Variants in DLG2 observed in about 807,000 individuals in gnomAD.
DLG2 encodes the protein discs large MAGUK scaffold protein 2.
A neutral mutation model predicts 132.5 loss-of-function variants in DLG2; 45 were observed. The observed-to-expected ratio is 0.34, with a 90% confidence interval of 0.27 to 0.44. DLG2 has a LOEUF of 0.44. Ranked by LOEUF, DLG2 falls within the 20% of genes least tolerant of loss-of-function variation. The pLI is 1.00. For synonymous variants in DLG2, 424 were observed against 419.6 expected (o/e 1.01, Z -0.13); for missense variants, 1,045 against 1,196.9 (o/e 0.87, Z 1.87).
intron 3 of DLG2, among the ~76,000 whole-genome samples, chr11:85,299,015 G>A (rs900545954): frequency 2.0e-5 from 3 of 152,128 alleles, no homozygotes; most frequent in African/African-American, 7.2e-5. Flanking sequence ...CATAGAAGAT[G>A]TAAATTCTTT....
intron 21 of DLG2, among the ~76,000 whole-genome samples, chr11:83,488,692 G>A (rs376009663): frequency 5.3e-5 from 8 of 151,898 alleles, no homozygotes; most frequent in African/African-American, 1.9e-4. Context: ...CAGAATTTAG[G>A]TTTAAATTTA....
chr11:85,427,223 C>A (rs1343369717), intron 3 of DLG2, among the ~76,000 whole-genome samples: 1 of 152,200 alleles, frequency 6.6e-6, no homozygotes, highest in Admixed American at 6.5e-5. Context: ...TCCAGGAGAA[C>A]TTCCCCAATC....
chr11:83,603,112 G>A (rs2058810922), intron 19 of DLG2, among the ~76,000 whole-genome samples: 1 of 151,728 alleles, frequency 6.6e-6, no homozygotes, highest in African/African-American at 2.4e-5. Flanking sequence ...GATGGTAGTG[G>A]GAGAGAGATA....
At chr11:85,004,822 T>C (rs949534994) in intron 6 of DLG2, among the ~76,000 whole-genome samples, 1 of 152,198 alleles carries the variant, frequency 6.6e-6, no homozygotes, top group South Asian at 2.1e-4. Context: ...CTGAATGGTA[T>C]TGCCAAGGTT....
intron 17 of DLG2, among the ~76,000 whole-genome samples, chr11:83,804,304 G>C (rs1023941277): frequency 6.6e-6 from 1 of 152,060 alleles, no homozygotes; most frequent in Non-Finnish European, 1.5e-5. Flanking sequence ...CTATGAATGA[G>C]AAATAATATT....
At chr11:83,566,045 T>C (rs2096703551) in intron 19 of DLG2, among the ~76,000 whole-genome samples, 1 of 152,172 alleles carries the variant, frequency 6.6e-6, no homozygotes, top group Admixed American at 6.6e-5. Context: ...GGGCAGTGGG[T>C]TGCACCCACT....
intron 6 of DLG2, among the ~76,000 whole-genome samples, chr11:85,020,101 C>T (rs1326140458): frequency 6.6e-6 from 1 of 152,152 alleles, no homozygotes; most frequent in East Asian, 1.9e-4. Context: ...AAAAGTGTTC[C>T]TATTTCTCCA....
intron 4 of DLG2, among the ~76,000 whole-genome samples, chr11:85,207,623 T>C (rs72945975): frequency 0.044 from 6,736 of 152,178 alleles, 203 homozygotes; most frequent in East Asian, 0.094. Flanking sequence ...TTTATTTAAA[T>C]GAGTCAATTT....
Position 85,197,101 on chromosome 11 carries a change from A to C in DLG2, c.187-42450T>G, listed in dbSNP as rs369210733. On this transcript the variant is annotated intron_variant, in intron 4 of 27. Transcript: ENST00000376104. ...ATGGCTTGTGAAATGTGGTTTAGGCAAAGGAGTATAGGCACAAGATTGCTA... is the reference window on the plus strand; with the variant it reads ...ATGGCTTGTGAAATGTGGTTTAGGCCAAGGAGTATAGGCACAAGATTGCTA... Among the ~76,000 whole-genome samples the C allele has an allele frequency of 1.6e-4, 25 of 152,334 alleles. No individual in the cohort carries two copies. The South Asian group carries it at 2.5e-3, about 15-fold the overall frequency.
intron 6 of DLG2, among the ~76,000 whole-genome samples, chr11:85,096,069 C>A (rs1003203112): frequency 2.0e-5 from 3 of 152,120 alleles, no homozygotes; most frequent in East Asian, 3.9e-4. Flanking sequence ...TACCAATCAG[C>A]ACTCTGTAAA....
rs540078731 is a variant in DLG2 at position 83,613,576 on chromosome 11, C to T, written c.1940+19635G>A. Among the ~76,000 whole-genome samples, 3 of 152,272 alleles carry T rather than the reference C, an allele frequency of 2.0e-5. No individual in the cohort carries two copies. In the East Asian group the frequency reaches 5.8e-4, roughly 29 times the overall value. On this transcript the variant is annotated intron_variant, in intron 19 of 27. Transcript: ENST00000376104. ...TGTTAGCAAATTGTAGCATCAGATT[C>T]AAGGTTGGTTTCCAAATTCTGAGTC...
At chr11:83,915,534 T>TA (rs1482818114) in intron 15 of DLG2, among the ~76,000 whole-genome samples, 1 of 152,180 alleles carries the variant, frequency 6.6e-6, no homozygotes, top group East Asian at 1.9e-4. Context: ...ATAGCCATGT[T>TA]AAAAATGTAA....
At chr11:85,393,487 A>G (rs1332337217) in intron 3 of DLG2, among the ~76,000 whole-genome samples, 1 of 152,154 alleles carries the variant, frequency 6.6e-6, no homozygotes, top group Non-Finnish European at 1.5e-5. Context: ...AGAGAAAAAG[A>G]AGTCATTATA....
intron 3 of DLG2, among the ~76,000 whole-genome samples, chr11:85,288,993 G>C (rs1346415185): frequency 6.6e-6 from 1 of 151,964 alleles, no homozygotes; most frequent in Non-Finnish European, 1.5e-5. Context: ...AAAAACCCTA[G>C]GGACAATATT....
intron 21 of DLG2, among the ~76,000 whole-genome samples, chr11:83,513,480 C>T (rs2095147631): frequency 6.6e-6 from 1 of 152,116 alleles, no homozygotes; most frequent in African/African-American, 2.4e-5. Flanking sequence ...CTGTAGGTTG[C>T]CTGTTCACTC....
intron 6 of DLG2, among the ~76,000 whole-genome samples, chr11:84,738,343 T>C (rs749931858): frequency 1.3e-5 from 2 of 152,020 alleles, no homozygotes; most frequent in Non-Finnish European, 2.9e-5. Flanking sequence ...ATATACCCTC[T>C]AGATTTGGCC....
intron 15 of DLG2, among the ~76,000 whole-genome samples, chr11:83,897,904 G>A (rs61901784): frequency 0.096 from 14,671 of 152,166 alleles, 844 homozygotes; most frequent in Middle Eastern, 0.2. Flanking sequence ...TCCTCCTGAT[G>A]GTTGTATCAT....
At chr11:83,474,298 T>C (rs896358071) in intron 22 of DLG2, among the ~76,000 whole-genome samples, 1 of 152,246 alleles carries the variant, frequency 6.6e-6, no homozygotes, top group Non-Finnish European at 1.5e-5. Context: ...TGAAGGTGAT[T>C]GATTACTAAC....
chr11:84,958,118 C>A (rs1368861771), intron 6 of DLG2, among the ~76,000 whole-genome samples: 1 of 152,092 alleles, frequency 6.6e-6, no homozygotes, highest in Non-Finnish European at 1.5e-5. Flanking sequence ...ATAGAATGCA[C>A]CCAATATGTT....
Sources: gnomAD v4.1 joint callset for allele counts (sites outside exome capture counted in the v4.1 genomes callset) on GRCh38, gnomAD v4.1.1 for gene constraint, MANE v1.5 for transcripts, NCBI Gene and HGNC (gene_info 2026-07-23, HGNC 2026-07-21) for gene names.